The following NR3C1 variants were observed in gnomAD, a reference collection of about 807,000 sequenced individuals.
The protein encoded by NR3C1 is nuclear receptor subfamily 3 group C member 1, also known as glucocorticoid receptor.
In NR3C1, 14 loss-of-function variants were observed where a neutral mutation model predicts 74.0. The observed-to-expected ratio is 0.19, with a 90% CI of 0.12 to 0.30. NR3C1 has a LOEUF of 0.30. Ranked by LOEUF, NR3C1 falls within the 10% of genes least tolerant of loss-of-function variation. The pLI is 1.00. For missense variants in NR3C1, 695 were observed against 909.8 expected (o/e 0.76, Z 3.04); for synonymous variants, 308 against 332.5 (o/e 0.93, Z 0.80).
intron 1 of NR3C1, among the ~76,000 whole-genome samples, chr5:143,423,535 C>T (rs1225075415): frequency 6.6e-6 from 1 of 152,062 alleles, no homozygotes; most frequent in African/African-American, 2.4e-5. Flanking sequence ...CTATGGAGAA[C>T]AGTATGAAGG....
Position 143,399,731 on chromosome 5 carries a change from G to A in NR3C1, c.1109C>T (p.Ser370Phe), listed in dbSNP as rs147136661. 6.2e-7 allele frequency: 1 copy of A among 1,614,038 alleles called. No individual in the cohort carries two copies. The highest frequency in any genetic ancestry group is 8.5e-7 in the Non-Finnish European group (1 of 1,180,008). Residue 370 changes from serine to phenylalanine, a missense_variant, in exon 2 of 9, where the codon TCT becomes TTT. Transcript: ENST00000394464. ...GSENWNRCQG[S>F]GDDNLTSLGT... ...CAGAGAAGTCAAGTTGTCATCTCCAGATCCTTGGCACCTATTCCAATTTTC... is the reference window on the plus strand; with the variant it reads ...CAGAGAAGTCAAGTTGTCATCTCCAAATCCTTGGCACCTATTCCAATTTTC...
intron 1 of NR3C1, among the ~76,000 whole-genome samples, chr5:143,422,245 G>A (rs1488247004): frequency 1.3e-5 from 2 of 152,150 alleles, no homozygotes; most frequent in Non-Finnish European, 2.9e-5. Context: ...TTAAAGTATA[G>A]ATATCTGGGC....
At chr5:143,409,898 A>G (rs776321342) in intron 1 of NR3C1, among the ~76,000 whole-genome samples, 4 of 152,212 alleles carry the variant, frequency 2.6e-5, no homozygotes, top group Non-Finnish European at 5.9e-5. Flanking sequence ...TAAGCAACCT[A>G]AAATATCACA....
At chr5:143,282,475 G>C (rs1813315813) in intron 8 of NR3C1, 93 bp downstream of exon 8, 16 of 1,425,342 alleles carry the variant, frequency 1.1e-5, no homozygotes, top group Non-Finnish European at 1.5e-5. Context: ...GGGGGCGGGG[G>C]TGGGGGCGCT....
intron 2 of NR3C1, among the ~76,000 whole-genome samples, chr5:143,324,838 T>C (rs534079575): frequency 3.3e-4 from 50 of 152,304 alleles, no homozygotes; most frequent in African/African-American, 1.1e-3. Flanking sequence ...AAGTTCAAAG[T>C]TCCACAAATC....
At chr5:143,383,443 T>C (rs767344255) in intron 2 of NR3C1, among the ~76,000 whole-genome samples, 1 of 152,138 alleles carries the variant, frequency 6.6e-6, no homozygotes, top group Non-Finnish European at 1.5e-5. Context: ...CTGGATTTAC[T>C]TGGAGATAAA....
chr5:143,369,389 T>C (rs895147845), intron 2 of NR3C1, among the ~76,000 whole-genome samples: 2 of 152,208 alleles, frequency 1.3e-5, no homozygotes, highest in Admixed American at 6.5e-5. Flanking sequence ...CAGAAACTTG[T>C]ATATGAATGT....
chr5:143,373,458 A>G (rs1834575148), intron 2 of NR3C1, among the ~76,000 whole-genome samples: 1 of 139,066 alleles, frequency 7.2e-6, no homozygotes, highest in African/African-American at 2.6e-5. Context: ...GACTACATTT[A>G]TCGGGGGGTG....
intron 2 of NR3C1, among the ~76,000 whole-genome samples, chr5:143,389,063 C>T (rs1200771302): frequency 6.6e-6 from 1 of 152,164 alleles, no homozygotes; most frequent in East Asian, 1.9e-4. Flanking sequence ...AATCTTGTTT[C>T]CCATTCATTC....
At chr5:143,400,880 GA>G (rs773511475) in intron 1 of NR3C1, 28 bp from the exon 2 acceptor site, 258 of 1,526,760 alleles carry the variant, frequency 1.7e-4, no homozygotes, top group Non-Finnish European at 2.2e-4. Context: ...AAAACGGGGG[GA>G]AAACATCATA....
At chr5:143,350,826 C>T (rs566609147) in intron 2 of NR3C1, among the ~76,000 whole-genome samples, 2 of 152,302 alleles carry the variant, frequency 1.3e-5, no homozygotes, top group South Asian at 4.1e-4. Context: ...AGAATTGTGT[C>T]ACAGAAACCA....
At chr5:143,291,939 A>ATATC (rs1485110870) in intron 7 of NR3C1, among the ~76,000 whole-genome samples, 1 of 152,322 alleles carries the variant, frequency 6.6e-6, no homozygotes, top group East Asian at 1.9e-4. Context: ...TATTTGTGTC[A>ATATC]TATCTGAGGA....
chr5:143,425,814 G>A (rs1250278643), intron 1 of NR3C1, among the ~76,000 whole-genome samples: 1 of 152,146 alleles, frequency 6.6e-6, no homozygotes, highest in East Asian at 1.9e-4. Flanking sequence ...AAACATATTG[G>A]CAGTTTTCTC....
intron 3 of NR3C1, among the ~76,000 whole-genome samples, chr5:143,311,394 C>T (rs933419897): frequency 4.6e-5 from 7 of 152,174 alleles, no homozygotes; most frequent in South Asian, 2.1e-4. Context: ...GTGCACATTA[C>T]GCCAATCTTG....
In NR3C1 at chr5:143,379,559, C is replaced by G. The variant is rs569262930; in HGVS notation, c.1184+20097G>C. Reference sequence around the variant, plus strand: ...CAAAAAAATAAAAATAAAAAAACACCTCTCCCTACAGTCACACTCCTTTGC... The same window carrying G: ...CAAAAAAATAAAAATAAAAAAACACGTCTCCCTACAGTCACACTCCTTTGC... On this transcript the variant is annotated intron_variant, in intron 2 of 8. Transcript: ENST00000394464. Among the ~76,000 whole-genome samples, 3 of 152,270 alleles carry G rather than the reference C, an allele frequency of 2.0e-5. No homozygotes were observed. The East Asian group carries it at 5.8e-4, about 29-fold the overall frequency.
intron 2 of NR3C1, among the ~76,000 whole-genome samples, chr5:143,358,199 C>T (rs1220476309): frequency 1.3e-5 from 2 of 152,172 alleles, no homozygotes; most frequent in South Asian, 2.1e-4. Context: ...TTACTATATA[C>T]AGAACTCCCC....
rs916709675 is a variant in NR3C1, at chr5:143,281,414, A to G, written c.*475T>C. 3.6e-5 allele frequency: 6 copies of G among 165,412 alleles called. No individual in the cohort carries two copies. The highest frequency in any genetic ancestry group is 1.4e-4 in the African/African-American group (6 of 41,506). The allele number at this position is 165,412 out of a possible 1,614,324, so 10.2% of individuals were successfully genotyped here. A position where few individuals can be genotyped will look rare whatever the true frequency, so the allele number is the denominator to read the frequency against. On this transcript the variant is annotated 3_prime_UTR_variant, in exon 9 of 9. Transcript: ENST00000394464. ...TAAAAGGCACAACTTCCCTTTTCTG[A>G]TATACACTTGTAAACTTTTTTTCAG...
At chr5:143,315,738 GT>G (rs1226504074) in intron 2 of NR3C1, among the ~76,000 whole-genome samples, 1 of 152,094 alleles carries the variant, frequency 6.6e-6, no homozygotes, top group Non-Finnish European at 1.5e-5. Flanking sequence ...AAGTAATGTA[GT>G]TTGTTGCTAA....
chr5:143,325,696 A>T (rs762123986), intron 2 of NR3C1, among the ~76,000 whole-genome samples: 4 of 152,212 alleles, frequency 2.6e-5, no homozygotes, highest in Non-Finnish European at 5.9e-5. Flanking sequence ...TATGTATAGG[A>T]AAAACAATAT....
Sources: allele counts gnomAD v4.1 joint callset (sites outside exome capture counted in the v4.1 genomes callset), GRCh38; gene constraint gnomAD v4.1.1; transcripts MANE v1.5; gene names NCBI Gene and HGNC (gene_info 2026-07-23, HGNC 2026-07-21).